The following NRG3 variants were observed in gnomAD, a reference collection of about 807,000 sequenced individuals.
NRG3 encodes the protein neuregulin 3, also known as pro-neuregulin-3, membrane-bound isoform.
Under a neutral mutation model 66.9 loss-of-function variants are expected in NRG3, and 31 were observed. The observed-to-expected ratio is 0.46, with a 90% CI of 0.35 to 0.63. The LOEUF is 0.63. NRG3 is among the 20% of genes least tolerant of loss of function. NRG3 has a pLI of 0.00. For synonymous variants in NRG3, 393 were observed against 359.4 expected, an observed-to-expected ratio of 1.09 and a Z score of -1.06; for missense variants, 910 against 878.9, an observed-to-expected ratio of 1.04 and a Z score of -0.45.
At chr10:82,720,492 C>G (rs956728957) in intron 2 of NRG3, among the ~76,000 whole-genome samples, 2 of 151,980 alleles carry the variant, frequency 1.3e-5, no homozygotes, top group African/African-American at 4.8e-5. Flanking sequence ...CATAAGTCTC[C>G]ATTGTTGGTT....
At chr10:82,410,902 A>G (rs2088026021) in intron 2 of NRG3, among the ~76,000 whole-genome samples, 1 of 152,134 alleles carries the variant, frequency 6.6e-6, no homozygotes, top group Admixed American at 6.6e-5. Context: ...GTATCATAAA[A>G]TTCACTACAT....
At chr10:82,334,505 G>C (rs1052803881) in intron 1 of NRG3, among the ~76,000 whole-genome samples, 1 of 152,178 alleles carries the variant, frequency 6.6e-6, no homozygotes, top group African/African-American at 2.4e-5. Flanking sequence ...AGCCAAGCAA[G>C]AATTAGGTGA....
At chr10:82,120,943 C>A (rs182557053) in intron 1 of NRG3, among the ~76,000 whole-genome samples, 1 of 152,006 alleles carries the variant, frequency 6.6e-6, no homozygotes, top group Non-Finnish European at 1.5e-5. Context: ...CCCTTTTTTT[C>A]ATTTGCTGAA....
At chr10:82,126,402 A>G (rs2068452405) in intron 1 of NRG3, among the ~76,000 whole-genome samples, 1 of 152,058 alleles carries the variant, frequency 6.6e-6, no homozygotes, top group South Asian at 2.1e-4. Flanking sequence ...CATGAGACAT[A>G]CAGAACAAAA....
intron 2 of NRG3, among the ~76,000 whole-genome samples, chr10:82,704,105 A>C: frequency 6.6e-6 from 1 of 152,096 alleles, no homozygotes; most frequent in East Asian, 1.9e-4. Context: ...CAAAATTTCA[A>C]CTTCTATCAT....
At chr10:82,422,803 T>C (rs936253246) in intron 2 of NRG3, among the ~76,000 whole-genome samples, 7 of 152,136 alleles carry the variant, frequency 4.6e-5, no homozygotes, top group Admixed American at 3.3e-4. Flanking sequence ...TGGGTAACAG[T>C]TGTCAACTAA....
intron 1 of NRG3, among the ~76,000 whole-genome samples, chr10:82,003,259 G>A (rs11192134): frequency 0.46 from 69,217 of 151,988 alleles, 20,406 homozygotes; most frequent in African/African-American, 0.8. Flanking sequence ...TATGTTTGAG[G>A]CTCATTTAAG....
chr10:82,606,849 A>C (rs2047996953), intron 2 of NRG3, among the ~76,000 whole-genome samples: 1 of 151,716 alleles, frequency 6.6e-6, no homozygotes, highest in African/African-American at 2.4e-5. Context: ...CAATCTGAAA[A>C]CCCCCACCAA....
At chr10:82,067,035 T>C (rs761383966) in intron 1 of NRG3, among the ~76,000 whole-genome samples, 6 of 152,130 alleles carry the variant, frequency 3.9e-5, no homozygotes, top group Non-Finnish European at 7.4e-5. Flanking sequence ...AGAGGCTTTA[T>C]AGAATACAAC....
chr10:82,777,198 T>A (rs141105552), intron 3 of NRG3, among the ~76,000 whole-genome samples: 1 of 152,308 alleles, frequency 6.6e-6, no homozygotes, highest in African/African-American at 2.4e-5. Context: ...ACATTATTGA[T>A]AACTGCAGTT....
chr10:82,658,496 T>A (rs142643353), intron 2 of NRG3, among the ~76,000 whole-genome samples: 1 of 152,272 alleles, frequency 6.6e-6, no homozygotes, highest in East Asian at 1.9e-4. Context: ...AGACAATATG[T>A]TCATATTTAC....
chr10:82,177,992 A>G (rs2073158994), intron 1 of NRG3, among the ~76,000 whole-genome samples: 1 of 152,148 alleles, frequency 6.6e-6, no homozygotes, highest in Non-Finnish European at 1.5e-5. Flanking sequence ...TGCCCAGCCC[A>G]TGTAAATTAT....
At chr10:82,088,895 C>T (rs1016638879) in intron 1 of NRG3, among the ~76,000 whole-genome samples, 1 of 152,070 alleles carries the variant, frequency 6.6e-6, no homozygotes, top group Non-Finnish European at 1.5e-5. Context: ...TTGTAATATG[C>T]CCTTCACATC....
chr10:82,033,979 G>T (rs1478185891), intron 1 of NRG3, among the ~76,000 whole-genome samples: 2 of 152,080 alleles, frequency 1.3e-5, no homozygotes, highest in African/African-American at 2.4e-5. Context: ...TTTTGCATAA[G>T]CACAAGTAAT....
At chr10:82,553,025 TCACACACAAA>T (rs943988475) in intron 2 of NRG3, among the ~76,000 whole-genome samples, 1 of 149,504 alleles carries the variant, frequency 6.7e-6, no homozygotes, top group African/African-American at 2.5e-5. Context: ...AGAAAAGTGA[TCACACACAAA>T]CACACACACA....
At position 82,438,144 on chromosome 10, in the gene NRG3, AGGAGGTGAG is replaced by A. The variant is rs1455243115; in HGVS notation, c.953+79278_953+79286del. ...GCTGCCCAGATTCCTCAGAACTACC[AGGAGGTGAG>A]GCTAAGTCTGCTGCTTTGCAGAGAC... On this transcript the variant is annotated intron_variant, in intron 2 of 8. Transcript: ENST00000372141. 2.0e-5 allele frequency among the ~76,000 whole-genome samples: 3 copies of A among 152,214 alleles called. No individual in the cohort carries two copies. The East Asian group carries it at 5.8e-4, about 29-fold the overall frequency.
intron 1 of NRG3, among the ~76,000 whole-genome samples, chr10:82,239,282 C>A (rs1437931582): frequency 6.6e-6 from 1 of 152,018 alleles, no homozygotes; most frequent in Non-Finnish European, 1.5e-5. Context: ...TGCCCTGTTA[C>A]CCAGGCGGGA....
Position 82,985,661 on chromosome 10 carries a change from A to C in NRG3, c.*56A>C. The stretch of plus-strand genomic sequence containing the variant: ...CTTTGCTCAACAGGAAAGAGAGGAA[A>C]TCAAATACAAATTATTTATATGCAT... On this transcript the variant is annotated 3_prime_UTR_variant, in exon 9 of 9. Transcript: ENST00000372141. The C allele has an allele frequency of 6.5e-7, 1 of 1,532,692 alleles. No individual in the cohort carries two copies. The highest frequency in any genetic ancestry group is 8.7e-7 in the Non-Finnish European group (1 of 1,144,882). 94.9% of individuals were successfully genotyped at this position (1,532,692 alleles called of 1,614,324 possible).
At chr10:82,761,964 CTTTCTTTCT>C (rs2059339229) in intron 3 of NRG3, among the ~76,000 whole-genome samples, 2 of 110,044 alleles carry the variant, frequency 1.8e-5, no homozygotes, top group Non-Finnish European at 4.0e-5. Flanking sequence ...TTCTTTCTTT[CTTTCTTTCT>C]TTTCTTTCTT....
Sources: allele counts gnomAD v4.1 joint callset (sites outside exome capture counted in the v4.1 genomes callset), GRCh38; gene constraint gnomAD v4.1.1; transcripts MANE v1.5; gene names NCBI Gene and HGNC (gene_info 2026-07-23, HGNC 2026-07-21).